The following SYT16 variants were observed in gnomAD, a reference collection of about 807,000 sequenced individuals.
SYT16 encodes synaptotagmin-16.
SYT16 carries 42 observed loss-of-function variants against 61.4 expected under a neutral mutation model. The observed-to-expected ratio is 0.68, with a 90% confidence interval of 0.53 to 0.89. The LOEUF (loss-of-function observed/expected upper bound fraction) is 0.89, where lower values mean the gene tolerates loss of function less well. SYT16 is among the 40% of genes least tolerant of loss of function. The probability of loss-of-function intolerance (pLI) is 0.00; values close to 1 mark genes in which losing one functional copy is unlikely to be tolerated. For synonymous variants in SYT16, 314 were observed against 302.3 expected, an observed-to-expected ratio of 1.04 and a Z score of -0.40; for missense variants, 804 against 807.3, an observed-to-expected ratio of 1.00 and a Z score of 0.05.
At chr14:61,897,032 C>T (rs2048348290) in intron 1 of SYT16, among the ~76,000 whole-genome samples, 1 of 152,094 alleles carries the variant, frequency 6.6e-6, no homozygotes, top group African/African-American at 2.4e-5. Context: ...AAGAATAGTT[C>T]TTACAGTTTC....
intron 5 of SYT16, among the ~76,000 whole-genome samples, chr14:62,076,471 C>G (rs909287109): frequency 2.6e-5 from 4 of 151,772 alleles, no homozygotes; most frequent in African/African-American, 2.4e-5. Context: ...TCACAGAAAA[C>G]CCTGTTTCCA....
At chr14:61,945,856 A>T (rs1292969704) in intron 1 of SYT16, among the ~76,000 whole-genome samples, 8 of 12,288 alleles carry the variant, frequency 6.5e-4, no homozygotes, top group African/African-American at 2.9e-3. Flanking sequence ...ACTCCGTCTC[A>T]AAAAAAAAAA....
At chr14:61,908,486 T>G (rs1306059428) in intron 1 of SYT16, among the ~76,000 whole-genome samples, 2 of 152,188 alleles carry the variant, frequency 1.3e-5, no homozygotes, top group Non-Finnish European at 2.9e-5. Flanking sequence ...ACGTCGGGAA[T>G]AGGAATTAGA....
At chr14:62,016,018 A>T (rs2053660114) in intron 3 of SYT16, among the ~76,000 whole-genome samples, 1 of 152,216 alleles carries the variant, frequency 6.6e-6, no homozygotes, top group Non-Finnish European at 1.5e-5. Flanking sequence ...AGGTGTGGCT[A>T]ACATGGTATC....
chr14:61,980,473 T>C lies in SYT16; in HGVS notation c.-145+10162T>C, dbSNP rs568659958. Among the ~76,000 whole-genome samples, 383 of 152,348 alleles carry C rather than the reference T, an allele frequency of 2.5e-3. 2 individuals are homozygous for C. Among genetic ancestry groups the C allele is most frequent in the African/African-American group, 8.8e-3 (366 of 41,578 alleles). ...TAATTGAGAATTGATATTAATCTTA[T>C]ATTTTGCTTTAAAAATATATAGGCT... On this transcript the variant is annotated intron_variant, in intron 2 of 7. Coordinates refer to ENST00000683842, the MANE Select transcript of SYT16 (RefSeq NM_001367656.1).
chr14:61,997,161 G>A (rs768621181), intron 3 of SYT16, among the ~76,000 whole-genome samples: 3 of 152,072 alleles, frequency 2.0e-5, no homozygotes, highest in Non-Finnish European at 4.4e-5. Context: ...TATTGAATAT[G>A]ATAAAAATGT....
intron 2 of SYT16, among the ~76,000 whole-genome samples, chr14:61,976,038 A>G (rs2051779105): frequency 6.6e-6 from 1 of 152,198 alleles, no homozygotes; most frequent in African/African-American, 2.4e-5. Flanking sequence ...CCCATTCCAA[A>G]TGGGAGAAAT....
chr14:61,864,865 A>C, intron 1 of SYT16: 1 of 1,156,264 alleles, frequency 8.6e-7, no homozygotes, highest in Non-Finnish European at 1.3e-6. Context: ...TCTCCCAGCC[A>C]CCCCCGGCGG....
chr14:61,901,759 A>T (rs150163489), intron 1 of SYT16, among the ~76,000 whole-genome samples: 4,702 of 135,034 alleles, frequency 0.035, 197 homozygotes, highest in Admixed American at 0.1. Flanking sequence ...TAATAATAAT[A>T]ATAATTATTA....
chr14:62,048,698 A>G (rs1351914566), intron 3 of SYT16, among the ~76,000 whole-genome samples: 2 of 152,196 alleles, frequency 1.3e-5, no homozygotes, highest in East Asian at 1.9e-4. Flanking sequence ...GTTGGTTTCA[A>G]AGAACATCTT....
intron 3 of SYT16, among the ~76,000 whole-genome samples, chr14:62,065,178 G>A (rs1377475523): frequency 6.6e-6 from 1 of 152,186 alleles, no homozygotes; most frequent in African/African-American, 2.4e-5. Context: ...CTTACTGTGA[G>A]GAGTAAGCTA....
chr14:61,861,839 G>A (rs542063318), intron 1 of SYT16, among the ~76,000 whole-genome samples: 12 of 152,186 alleles, frequency 7.9e-5, no homozygotes, highest in African/African-American at 2.4e-4. Context: ...TAAAAGTTAC[G>A]TTTACACCAT....
chr14:62,078,425 C>T (rs747536785), intron 5 of SYT16, among the ~76,000 whole-genome samples: 59 of 152,116 alleles, frequency 3.9e-4, no homozygotes, highest in Non-Finnish European at 7.4e-4. Context: ...TGAGTTTCGT[C>T]CTCCATAAAA....
rs888090527 is a variant in SYT16, at chr14:62,075,236, G to A, written c.838G>A (p.Ala280Thr). The A allele has an allele frequency of 1.9e-6, 3 of 1,613,832 alleles. No individual in the cohort carries two copies. The highest frequency in any genetic ancestry group is 2.5e-6 in the Non-Finnish European group (3 of 1,179,806). ...HSQSPCERGD[A>T]KHHGTSHQES... Reference sequence around the variant, plus strand: ...ACAGTCCCCATGTGAAAGAGGGGATGCCAAACACCACGGCACATCTCACCA... The same window carrying A: ...ACAGTCCCCATGTGAAAGAGGGGATACCAAACACCACGGCACATCTCACCA... Residue 280 changes from alanine (A) to threonine (T), a missense_variant, in exon 5 of 8, where the codon GCC (alanine) becomes ACC (threonine). Transcript: ENST00000683842.
At chr14:61,922,295 A>G (rs1020824721) in intron 1 of SYT16, among the ~76,000 whole-genome samples, 3 of 152,220 alleles carry the variant, frequency 2.0e-5, no homozygotes, top group Admixed American at 6.5e-5. Context: ...ATGCCCATCA[A>G]TGGCAGATTG....
intron 1 of SYT16, among the ~76,000 whole-genome samples, chr14:61,901,297 G>A (rs2048505910): frequency 6.6e-6 from 1 of 152,184 alleles, no homozygotes; most frequent in Admixed American, 6.5e-5. Context: ...TGCTGCTGCT[G>A]CTGCAGCAAA....
chr14:62,032,032 A>G (rs184756243), intron 3 of SYT16, among the ~76,000 whole-genome samples: 311 of 152,300 alleles, frequency 2.0e-3, no homozygotes, highest in Non-Finnish European at 3.4e-3. Context: ...ACAGAATATC[A>G]GGTGAATTGC....
chr14:62,049,967 A>G (rs7142379), intron 3 of SYT16, among the ~76,000 whole-genome samples: 68,295 of 151,860 alleles, frequency 0.45, 18,499 homozygotes, highest in African/African-American at 0.77. Context: ...TGCTCTTCTC[A>G]AAGAGTATCT....
At chr14:61,879,306 A>T (rs1306935611) in intron 1 of SYT16, among the ~76,000 whole-genome samples, 2 of 152,232 alleles carry the variant, frequency 1.3e-5, no homozygotes, top group African/African-American at 2.4e-5. Context: ...CAAGTTAATA[A>T]AATGAGTGAC....
Sources: gnomAD v4.1 joint callset for allele counts (sites outside exome capture counted in the v4.1 genomes callset) on GRCh38, gnomAD v4.1.1 for gene constraint, MANE v1.5 for transcripts, NCBI Gene and HGNC (gene_info 2026-07-23, HGNC 2026-07-21) for gene names.